SCLT1: variants seen among roughly 807,000 people sequenced by gnomAD.
SCLT1 encodes sodium channel and clathrin linker 1.
Under a neutral mutation model 112.8 loss-of-function variants are expected in SCLT1, and 78 were observed. That is an observed-to-expected ratio of 0.69 (90% CI 0.58 to 0.83). The LOEUF (loss-of-function observed/expected upper bound fraction) is 0.83, where lower values mean the gene tolerates loss of function less well. Among genes scored for constraint, SCLT1 ranks in the 40% least tolerant of loss-of-function variants. The pLI, the probability that SCLT1 is intolerant of heterozygous loss-of-function variation, is 0.00. For synonymous variants in SCLT1, 257 were observed against 254.7 expected (o/e 1.01, Z -0.09); for missense variants, 747 against 770.4 (o/e 0.97, Z 0.36).
At chr4:129,054,083 C>G (rs922527916) in intron 2 of SCLT1, among the ~76,000 whole-genome samples, 1 of 152,178 alleles carries the variant, frequency 6.6e-6, no homozygotes, top group African/African-American at 2.4e-5. Flanking sequence ...GGCCCCCACT[C>G]TCTTCTGGCT....
intron 5 of SCLT1, among the ~76,000 whole-genome samples, chr4:129,033,502 T>TAAAAAAAAA (rs56325033): frequency 3.4e-4 from 15 of 44,310 alleles, no homozygotes; most frequent in Non-Finnish European, 5.4e-4. Flanking sequence ...GAACTTAAAG[T>TAAAAAAAAA]AAAAAAAAAA....
At chr4:129,025,258 A>G (rs13134370) in intron 5 of SCLT1, among the ~76,000 whole-genome samples, 13,423 of 152,270 alleles carry the variant, frequency 0.088, 755 homozygotes, top group South Asian at 0.15. Context: ...CAGATTCACC[A>G]AAGTGGAAAT....
intron 8 of SCLT1, 86 bp from the exon 9 acceptor site, chr4:128,992,323 A>C: frequency 1.2e-6 from 1 of 826,534 alleles, no homozygotes; most frequent in Non-Finnish European, 1.9e-6. Flanking sequence ...CAAGTAGAAA[A>C]AAAGTTTAGT....
intron 2 of SCLT1, among the ~76,000 whole-genome samples, chr4:129,051,392 CTT>C (rs1324850514): frequency 6.6e-6 from 1 of 152,078 alleles, no homozygotes; most frequent in Non-Finnish European, 1.5e-5. Flanking sequence ...TGTGTCCTCT[CTT>C]ATTTCCTTGA....
intron 2 of SCLT1, among the ~76,000 whole-genome samples, chr4:129,062,199 G>A (rs72926023): frequency 0.015 from 2,321 of 152,174 alleles, 50 homozygotes; most frequent in African/African-American, 0.047. Flanking sequence ...ATGGAAGCCC[G>A]TCATTTCCTT....
intron 18 of SCLT1, among the ~76,000 whole-genome samples, chr4:128,929,844 T>C (rs1353805876): frequency 1.3e-5 from 2 of 152,214 alleles, no homozygotes; most frequent in East Asian, 1.9e-4. Flanking sequence ...TCTTTGTCTA[T>C]TCATGGTGTT....
intron 18 of SCLT1, among the ~76,000 whole-genome samples, chr4:128,912,170 A>C (rs1735151037): frequency 6.6e-6 from 1 of 152,178 alleles, no homozygotes; most frequent in African/African-American, 2.4e-5. Context: ...TTACTTTTAA[A>C]ATGCTCTGTA....
Position 129,043,985 on chromosome 4 carries a change from T to G in SCLT1, c.161+8A>C. 1 of 1,363,542 alleles carries G rather than the reference T, an allele frequency of 7.3e-7. No individual in the cohort carries two copies. The highest frequency in any genetic ancestry group is 1.0e-6 in the Non-Finnish European group (1 of 961,416). 84.5% of individuals were successfully genotyped at this position (1,363,542 alleles called of 1,614,324 possible). ...GAAGAAAATGATATTATTCTGGTAA[T>G]ACTTTACCTTTGGTCAAATACTAGG... On this transcript the variant is annotated splice_region_variant and intron_variant, in intron 3 of 20. Coordinates refer to ENST00000281142, the MANE Select transcript of SCLT1 (RefSeq NM_144643.4).
intron 2 of SCLT1, among the ~76,000 whole-genome samples, chr4:129,045,336 C>A (rs1434296385): frequency 6.6e-6 from 1 of 152,058 alleles, no homozygotes; most frequent in Non-Finnish European, 1.5e-5. Context: ...CATTTTACAA[C>A]ATCCAAATTT....
Position 129,057,760 on chromosome 4 carries a change from CTTT to C in SCLT1, c.103-13712_103-13710del, listed in dbSNP as rs34612288. On this transcript the variant is annotated intron_variant, in intron 2 of 20. Transcript: ENST00000281142. Reference sequence around the variant, plus strand: ...TTGTATTTGTATTTCTTTTTTTTTTCTTTTTTTTTGAGAGGGAGTCTTGCTCTG... The same window carrying C: ...TTGTATTTGTATTTCTTTTTTTTTTCTTTTTTGAGAGGGAGTCTTGCTCTG... 4.1e-3 allele frequency among the ~76,000 whole-genome samples: 595 copies of C among 145,008 alleles called. 2 individuals carry two copies. The highest frequency in any genetic ancestry group is 0.014 in the African/African-American group (552 of 39,218).
intron 5 of SCLT1, among the ~76,000 whole-genome samples, chr4:129,017,702 A>T (rs941730112): frequency 1.3e-5 from 2 of 152,232 alleles, no homozygotes; most frequent in Non-Finnish European, 2.9e-5. Context: ...AAAGGAAAAT[A>T]AAAAAGAGAA....
rs186736171 is a variant in SCLT1 at position 129,014,786 on chromosome 4, C to T, written c.291-10910G>A. ...TGACAGAGGGATCTGTCCTCATTCA[C>T]ATGTGCCAGCAATAGCAGTAGCAGC... On this transcript the variant is annotated intron_variant, in intron 5 of 20. Transcript: ENST00000281142. 5.0e-3 allele frequency among the ~76,000 whole-genome samples: 764 copies of T among 152,344 alleles called. 6 individuals are homozygous for T. The highest frequency in any genetic ancestry group is 0.017 in the African/African-American group (718 of 41,588).
intron 2 of SCLT1, among the ~76,000 whole-genome samples, chr4:129,049,161 C>T (rs1033117079): frequency 2.0e-5 from 3 of 151,656 alleles, no homozygotes; most frequent in African/African-American, 7.3e-5. Context: ...AATCATGCTG[C>T]TATAAAGACA....
Position 128,955,424 on chromosome 4 carries a change from C to CA in SCLT1, c.1146+1601dup, listed in dbSNP as rs1739139904. Among the ~76,000 whole-genome samples the CA allele has an allele frequency of 2.0e-5, 3 of 152,208 alleles. No individual in the cohort carries two copies. The South Asian group carries it at 6.2e-4, about 32-fold the overall frequency. On this transcript the variant is annotated intron_variant, in intron 13 of 20. Transcript: ENST00000281142. Reference sequence around the variant, plus strand: ...AAAAGTGAACAATGTATATTTTTTACAAATTTTAATTATTTGAGAGATATC... The same window carrying CA: ...AAAAGTGAACAATGTATATTTTTTACAAAATTTTAATTATTTGAGAGATATC...
chr4:128,927,727 G>GA (rs1280605536), intron 18 of SCLT1, among the ~76,000 whole-genome samples: 15 of 146,488 alleles, frequency 1.0e-4, no homozygotes, highest in African/African-American at 4.1e-4. Context: ...CAAGAAGTAA[G>GA]AAAAAAGAAC....
intron 5 of SCLT1, among the ~76,000 whole-genome samples, chr4:129,026,554 T>C (rs1746107434): frequency 6.6e-6 from 1 of 150,680 alleles, no homozygotes; most frequent in Non-Finnish European, 1.5e-5. Flanking sequence ...CAAAGCAGTG[T>C]GTAGAGAGAA....
rs1751505522 is a variant in SCLT1 at position 129,076,806 on chromosome 4, C to T, written c.102+5500G>A. On this transcript the variant is annotated intron_variant, in intron 2 of 20. Coordinates refer to ENST00000281142, the MANE Select transcript of SCLT1 (RefSeq NM_144643.4). Reference sequence around the variant, plus strand: ...GTGCCAACTACTGTACTTCAGAGAGCAATGCCACTTGAAATACTTTTTACT... The same window carrying T: ...GTGCCAACTACTGTACTTCAGAGAGTAATGCCACTTGAAATACTTTTTACT... Among the ~76,000 whole-genome samples the T allele has an allele frequency of 1.3e-5, 2 of 151,982 alleles. 1 individual carries two copies. The highest frequency in any genetic ancestry group is 4.1e-4 in the South Asian group (2 of 4,828).
chr4:128,926,840 T>C (rs1254819296), intron 18 of SCLT1, among the ~76,000 whole-genome samples: 1 of 152,054 alleles, frequency 6.6e-6, no homozygotes, highest in Non-Finnish European at 1.5e-5. Flanking sequence ...GGTGCTAATA[T>C]GTTTCAAGGT....
intron 7 of SCLT1, among the ~76,000 whole-genome samples, chr4:128,999,355 T>A (rs1341890554): frequency 1.3e-5 from 2 of 151,958 alleles, no homozygotes; most frequent in Non-Finnish European, 2.9e-5. Flanking sequence ...GTTTTAAAAG[T>A]CAGGTAGGAA....
Sources: gnomAD v4.1 joint callset for allele counts (sites outside exome capture counted in the v4.1 genomes callset) on GRCh38, gnomAD v4.1.1 for gene constraint, MANE v1.5 for transcripts, NCBI Gene and HGNC (gene_info 2026-07-23, HGNC 2026-07-21) for gene names.